The following GRM1 variants were observed in gnomAD, a reference collection of about 807,000 sequenced individuals.
The protein encoded by GRM1 is metabotropic glutamate receptor 1.
In GRM1, 33 loss-of-function variants were observed where a neutral mutation model predicts 90.9. The ratio of observed to expected loss-of-function variants is 0.36; its 90% CI spans 0.28 to 0.49. The LOEUF (loss-of-function observed/expected upper bound fraction) is 0.49, where lower values mean the gene tolerates loss of function less well. Ranked by LOEUF, GRM1 falls within the 20% of genes least tolerant of loss-of-function variation. The probability of loss-of-function intolerance (pLI) is 0.99; values close to 1 mark genes in which losing one functional copy is unlikely to be tolerated. For missense variants in GRM1, 1,190 were observed against 1,534.3 expected, an observed-to-expected ratio of 0.78 and a Z score of 3.75; for synonymous variants, 700 against 613.2, an observed-to-expected ratio of 1.14 and a Z score of -2.09.
At chr6:146,313,797 G>A (rs1214379941) in intron 3 of GRM1, among the ~76,000 whole-genome samples, 1 of 152,064 alleles carries the variant, frequency 6.6e-6, no homozygotes, top group East Asian at 1.9e-4. Context: ...CTGCAATTAA[G>A]ATACTGAACA....
intron 5 of GRM1, among the ~76,000 whole-genome samples, chr6:146,363,820 G>T (rs1775581283): frequency 6.6e-6 from 1 of 152,214 alleles, no homozygotes; most frequent in South Asian, 2.1e-4. Flanking sequence ...TTTCCACTTT[G>T]CAGTGATCGA....
intron 2 of GRM1, among the ~76,000 whole-genome samples, chr6:146,203,548 A>T (rs1247373256): frequency 6.6e-6 from 1 of 152,208 alleles, no homozygotes; most frequent in Non-Finnish European, 1.5e-5. Context: ...CTCTGACTAG[A>T]TAGTCCTATT....
chr6:146,312,467 T>C lies in GRM1; in HGVS notation c.1186+7621T>C, dbSNP rs191168431. On this transcript the variant is annotated intron_variant, in intron 3 of 7. Transcript: ENST00000282753. ...AATTTTAGCATAGAGTTGATGATTATCTTTGAACAACTTTTCTAAAAAGAT... is the reference window on the plus strand; with the variant it reads ...AATTTTAGCATAGAGTTGATGATTACCTTTGAACAACTTTTCTAAAAAGAT... Among the ~76,000 whole-genome samples the C allele has an allele frequency of 4.8e-3, 729 of 151,918 alleles. 4 individuals carry two copies. Among genetic ancestry groups the C allele is most frequent in the African/African-American group, 0.017 (699 of 41,410 alleles).
chr6:146,249,803 A>G (rs1781206941), intron 2 of GRM1, among the ~76,000 whole-genome samples: 1 of 152,180 alleles, frequency 6.6e-6, no homozygotes, highest in African/African-American at 2.4e-5. Context: ...GAAAAGCCGG[A>G]AGCACTCAAT....
intron 1 of GRM1, among the ~76,000 whole-genome samples, chr6:146,146,374 A>C (rs1777103375): frequency 6.6e-6 from 1 of 151,816 alleles, no homozygotes; most frequent in African/African-American, 2.4e-5. Flanking sequence ...GGCGTGAGCC[A>C]CCGTGCCCGG....
At chr6:146,332,902 C>T (rs2114997915) in intron 3 of GRM1, among the ~76,000 whole-genome samples, 1 of 152,312 alleles carries the variant, frequency 6.6e-6, no homozygotes, top group South Asian at 2.1e-4. Flanking sequence ...TCCGGTGACA[C>T]TGCTTTGCCT....
chr6:146,156,033 G>C (rs1562497668), intron 1 of GRM1, among the ~76,000 whole-genome samples: 1 of 152,174 alleles, frequency 6.6e-6, no homozygotes, highest in Non-Finnish European at 1.5e-5. Context: ...ATATTTACTT[G>C]GTGTAGAGGA....
At chr6:146,404,792 C>T (rs571319411) in intron 7 of GRM1, among the ~76,000 whole-genome samples, 159 of 152,204 alleles carry the variant, frequency 1.0e-3, no homozygotes, top group Non-Finnish European at 1.9e-3. Flanking sequence ...CTATAAATCA[C>T]AAGGTGCAAT....
intron 1 of GRM1, among the ~76,000 whole-genome samples, chr6:146,106,718 G>A (rs990557784): frequency 1.3e-5 from 2 of 152,130 alleles, no homozygotes; most frequent in Non-Finnish European, 1.5e-5. Context: ...TCACTTCACT[G>A]AGCCATGTCA....
At chr6:146,043,367 A>T (rs903625706) in intron 1 of GRM1, among the ~76,000 whole-genome samples, 1 of 151,992 alleles carries the variant, frequency 6.6e-6, no homozygotes, top group Admixed American at 6.6e-5. Context: ...TGCCTTTTCT[A>T]AGTAACATGT....
intron 2 of GRM1, among the ~76,000 whole-genome samples, chr6:146,223,706 C>T (rs563915649): frequency 8.2e-4 from 125 of 152,100 alleles, no homozygotes; most frequent in Middle Eastern, 3.4e-3. Context: ...TTAGCATCAA[C>T]GGAATACCCT....
chr6:146,283,449 A>G (rs1348495905), intron 2 of GRM1, among the ~76,000 whole-genome samples: 1 of 152,190 alleles, frequency 6.6e-6, no homozygotes, highest in Non-Finnish European at 1.5e-5. Context: ...GCAGGGTTTT[A>G]TGGGCATACT....
At chr6:146,397,473 C>CAAAAAAAAAAAAAAAA (rs1195779695) in intron 6 of GRM1, among the ~76,000 whole-genome samples, 5 of 16,768 alleles carry the variant, frequency 3.0e-4, no homozygotes, top group Non-Finnish European at 5.0e-4. Flanking sequence ...GACCCCGTCT[C>CAAAAAAAAAAAAAAAA]AAAAAAAAAA....
intron 2 of GRM1, among the ~76,000 whole-genome samples, chr6:146,249,211 G>C (rs1781184019): frequency 6.6e-6 from 1 of 152,210 alleles, no homozygotes; most frequent in Non-Finnish European, 1.5e-5. Flanking sequence ...GCCTGCTGCA[G>C]AAATATTCCT....
At position 146,436,141 on chromosome 6, in the gene GRM1, A is replaced by T. The variant is rs933930929; in HGVS notation, c.*1345A>T. ...ATTGTCTTTTGAATATACTATATAT[A>T]TTTTTTATGTTCCAATAATGTTTTG... On this transcript the variant is annotated 3_prime_UTR_variant, in exon 8 of 8. Coordinates refer to ENST00000282753, the MANE Select transcript of GRM1 (RefSeq NM_001278064.2). 1 of 152,412 alleles carries T rather than the reference A, an allele frequency of 6.6e-6. No homozygotes were observed. Among genetic ancestry groups the T allele is most frequent in the South Asian group, 2.1e-4 (1 of 4,802 alleles). The allele number at this position is 152,412 out of a possible 1,614,324, so 9.4% of individuals were successfully genotyped here.
chr6:146,431,843 G>A (rs902631417), intron 7 of GRM1, among the ~76,000 whole-genome samples: 1 of 152,154 alleles, frequency 6.6e-6, no homozygotes, highest in Non-Finnish European at 1.5e-5. Flanking sequence ...CTTTCTAGAA[G>A]AGGCATATTG....
At chr6:146,032,742 C>T (rs1254832426) in intron 1 of GRM1, among the ~76,000 whole-genome samples, 1 of 152,178 alleles carries the variant, frequency 6.6e-6, no homozygotes, top group African/African-American at 2.4e-5. Context: ...CTTTCCAAAT[C>T]AGCCATTCCC....
At chr6:146,089,614 T>C (rs1296337556) in intron 1 of GRM1, among the ~76,000 whole-genome samples, 1 of 152,176 alleles carries the variant, frequency 6.6e-6, no homozygotes, top group African/African-American at 2.4e-5. Context: ...TATCTTTATA[T>C]ATTGATGCCT....
intron 7 of GRM1, among the ~76,000 whole-genome samples, chr6:146,424,204 T>TTGCCACTGCGTGTTGCCTACCAA (rs1778112652): frequency 6.6e-6 from 1 of 152,238 alleles, no homozygotes; most frequent in Non-Finnish European, 1.5e-5. Flanking sequence ...TGCAAGAGGC[T>TTGCCACTGCGTGTTGCCTACCAA]TGCCACTGCG....
Sources: gnomAD v4.1 joint callset for allele counts (sites outside exome capture counted in the v4.1 genomes callset) on GRCh38, gnomAD v4.1.1 for gene constraint, MANE v1.5 for transcripts, NCBI Gene and HGNC (gene_info 2026-07-23, HGNC 2026-07-21) for gene names.